The following GALNTL6 variants were observed in gnomAD, a reference collection of about 807,000 sequenced individuals.
GALNTL6 encodes the protein polypeptide N-acetylgalactosaminyltransferase like 6, also known as polypeptide N-acetylgalactosaminyltransferase-like 6.
In GALNTL6, 46 loss-of-function variants were observed where a neutral mutation model predicts 73.7. That is an observed-to-expected ratio of 0.62 (90% CI 0.49 to 0.80). The LOEUF (loss-of-function observed/expected upper bound fraction) is 0.80. Among genes scored for constraint, GALNTL6 ranks in the 30% least tolerant of loss-of-function variants. The pLI is 0.00. For synonymous variants in GALNTL6, 259 were observed against 263.7 expected, an observed-to-expected ratio of 0.98 and a Z score of 0.17; for missense variants, 604 against 755.0, an observed-to-expected ratio of 0.80 and a Z score of 2.34.
chr4:172,022,595 A>G (rs1011865670), intron 2 of GALNTL6, among the ~76,000 whole-genome samples: 12 of 151,850 alleles, frequency 7.9e-5, no homozygotes, highest in African/African-American at 2.9e-4. Context: ...GCATTTTCCT[A>G]GCATTCATCT....
intron 10 of GALNTL6, among the ~76,000 whole-genome samples, chr4:172,954,539 T>C (rs1164615346): frequency 6.6e-6 from 1 of 152,156 alleles, no homozygotes; most frequent in Non-Finnish European, 1.5e-5. Flanking sequence ...TGATCATGGC[T>C]CACTGCAGCC....
At chr4:172,682,960 AC>A (rs771012720) in intron 5 of GALNTL6, among the ~76,000 whole-genome samples, 12 of 152,162 alleles carry the variant, frequency 7.9e-5, no homozygotes, top group Non-Finnish European at 1.8e-4. Flanking sequence ...AATCTTTATA[AC>A]ACAACTTTAG....
intron 2 of GALNTL6, among the ~76,000 whole-genome samples, chr4:171,965,431 C>T (rs545256987): frequency 6.6e-6 from 1 of 151,882 alleles, no homozygotes; most frequent in Non-Finnish European, 1.5e-5. Flanking sequence ...CCGAGGCGGG[C>T]GGATCACAAG....
chr4:172,300,959 G>A (rs748921401), intron 3 of GALNTL6, among the ~76,000 whole-genome samples: 13 of 152,170 alleles, frequency 8.5e-5, no homozygotes, highest in Non-Finnish European at 1.9e-4. Flanking sequence ...TTCCTGCAGA[G>A]TGTTTTCCAC....
At chr4:172,602,441 T>C (rs993670926) in intron 5 of GALNTL6, among the ~76,000 whole-genome samples, 2 of 152,156 alleles carry the variant, frequency 1.3e-5, no homozygotes, top group African/African-American at 2.4e-5. Flanking sequence ...AGTGAAAATA[T>C]ACTGTTATAA....
chr4:172,828,470 A>G (rs965435477), intron 7 of GALNTL6, among the ~76,000 whole-genome samples: 14 of 152,090 alleles, frequency 9.2e-5, no homozygotes, highest in Non-Finnish European at 1.8e-4. Flanking sequence ...CCATCAAGGT[A>G]TTCCACACCA....
chr4:172,514,027 A>T (rs1734518507), intron 5 of GALNTL6, among the ~76,000 whole-genome samples: 1 of 151,860 alleles, frequency 6.6e-6, no homozygotes, highest in Non-Finnish European at 1.5e-5. Context: ...TAATGGCTTG[A>T]GTTGGTTGGC....
intron 7 of GALNTL6, among the ~76,000 whole-genome samples, chr4:172,867,556 A>G (rs978745852): frequency 6.6e-6 from 1 of 152,216 alleles, no homozygotes; most frequent in African/African-American, 2.4e-5. Flanking sequence ...TGATTTGTCC[A>G]TATAAGTCTC....
intron 4 of GALNTL6, among the ~76,000 whole-genome samples, chr4:172,315,594 T>C (rs2111153884): frequency 6.6e-6 from 1 of 152,346 alleles, no homozygotes; most frequent in East Asian, 1.9e-4. Flanking sequence ...CTTGATGTAT[T>C]TTAAATACTC....
intron 5 of GALNTL6, among the ~76,000 whole-genome samples, chr4:172,514,014 C>T (rs1029271543): frequency 1.3e-5 from 2 of 152,094 alleles, no homozygotes; most frequent in Non-Finnish European, 2.9e-5. Context: ...TTATGAGTTG[C>T]TGTAATGGCT....
intron 2 of GALNTL6, among the ~76,000 whole-genome samples, chr4:171,951,418 C>T (rs1183157594): frequency 6.6e-6 from 1 of 151,902 alleles, no homozygotes; most frequent in Non-Finnish European, 1.5e-5. Context: ...TCACCTTTTA[C>T]TTAACTGCAA....
intron 7 of GALNTL6, among the ~76,000 whole-genome samples, chr4:172,826,527 G>T (rs1265316228): frequency 6.6e-6 from 1 of 152,192 alleles, no homozygotes; most frequent in African/African-American, 2.4e-5. Context: ...CATGGAAAAA[G>T]AATCAAATAA....
At position 171,867,950 on chromosome 4, in the gene GALNTL6, C is replaced by G. The variant is rs183728669; in HGVS notation, c.138+53232C>G. 3.4e-4 allele frequency among the ~76,000 whole-genome samples: 51 copies of G among 150,276 alleles called. 1 individual carries two copies. Among genetic ancestry groups the G allele is most frequent in the African/African-American group, 1.1e-3 (44 of 41,072 alleles). ...TACCTTTCTTTTTCTCTTTGTTTAACCTTTGGGTTTAAATCTAGAAATCTT... is the reference window on the plus strand; with the variant it reads ...TACCTTTCTTTTTCTCTTTGTTTAAGCTTTGGGTTTAAATCTAGAAATCTT... On this transcript the variant is annotated intron_variant, in intron 2 of 12. Transcript: ENST00000506823.
intron 5 of GALNTL6, among the ~76,000 whole-genome samples, chr4:172,600,117 T>C (rs1214705002): frequency 6.6e-6 from 1 of 152,106 alleles, no homozygotes; most frequent in Non-Finnish European, 1.5e-5. Context: ...ACTCTTTTTT[T>C]CATTATAAAA....
intron 2 of GALNTL6, among the ~76,000 whole-genome samples, chr4:171,834,601 A>C (rs541281829): frequency 1.2e-4 from 18 of 152,124 alleles, no homozygotes; most frequent in African/African-American, 4.3e-4. Flanking sequence ...GTAGTGGTTA[A>C]TAGATTTTAC....
At chr4:171,903,538 A>G (rs975899590) in intron 2 of GALNTL6, among the ~76,000 whole-genome samples, 16 of 150,716 alleles carry the variant, frequency 1.1e-4, no homozygotes, top group South Asian at 6.3e-4. Context: ...GTCTGAGATC[A>G]AACTGCAAGG....
At chr4:172,295,531 GTTTTTTTTTT>G (rs58721038) in intron 3 of GALNTL6, among the ~76,000 whole-genome samples, 9 of 73,146 alleles carry the variant, frequency 1.2e-4, no homozygotes, top group South Asian at 5.4e-4. Context: ...CTTTTTTTAG[GTTTTTTTTTT>G]TTTTTTTTTT....
At chr4:172,551,334 C>T (rs1006255346) in intron 5 of GALNTL6, among the ~76,000 whole-genome samples, 3 of 151,938 alleles carry the variant, frequency 2.0e-5, no homozygotes, top group Non-Finnish European at 4.4e-5. Context: ...CAATTACACC[C>T]CATTGATTAG....
At chr4:172,673,592 T>C (rs1732113261) in intron 5 of GALNTL6, among the ~76,000 whole-genome samples, 1 of 152,168 alleles carries the variant, frequency 6.6e-6, no homozygotes, top group Non-Finnish European at 1.5e-5. Flanking sequence ...CCCACTATTA[T>C]TGTGTGGGAG....
Sources: gnomAD v4.1 joint callset for allele counts (sites outside exome capture counted in the v4.1 genomes callset) on GRCh38, gnomAD v4.1.1 for gene constraint, MANE v1.5 for transcripts, NCBI Gene and HGNC (gene_info 2026-07-23, HGNC 2026-07-21) for gene names.